LRRK1: variants seen among roughly 807,000 people sequenced by gnomAD.
LRRK1 encodes the protein leucine rich repeat kinase 1.
In LRRK1, 113 loss-of-function variants were observed where a neutral mutation model predicts 209.1. That is an observed-to-expected ratio of 0.54 (90% CI 0.46 to 0.63). LRRK1 has a LOEUF of 0.63. Ranked by LOEUF, LRRK1 falls within the 30% of genes least tolerant of loss-of-function variation. The pLI is 0.00. For missense variants in LRRK1, 2,284 were observed against 2,632.2 expected (o/e 0.87, Z 2.89); for synonymous variants, 1,144 against 1,099.7 (o/e 1.04, Z -0.80).
chr15:100,942,199 C>T (rs889984642), intron 2 of LRRK1, among the ~76,000 whole-genome samples: 4 of 152,172 alleles, frequency 2.6e-5, no homozygotes, highest in East Asian at 1.9e-4. Flanking sequence ...TGTCAAGAAC[C>T]GGCTCTACAG....
chr15:101,056,996 G>C lies in LRRK1; in HGVS notation c.4473G>C (p.Gln1491His). The C allele has an allele frequency of 1.2e-6, 2 of 1,613,966 alleles. No individual in the cohort carries two copies. Among genetic ancestry groups the C allele is most frequent in the Non-Finnish European group, 1.7e-6 (2 of 1,179,928 alleles). ...RPVLGQPEEV[Q>H]FRRLQALMME... Reference sequence around the variant, plus strand: ...TTCTGGGGCAGCCGGAGGAAGTGCAGTTCCGGCGACTGCAGGCGCTCATGA... The same window carrying C: ...TTCTGGGGCAGCCGGAGGAAGTGCACTTCCGGCGACTGCAGGCGCTCATGA... The change falls in exon 28 of 34, where the codon CAG (glutamine) becomes CAC (histidine). Residue 1491 changes from glutamine to histidine, a missense_variant. Gln to His is a conservative substitution (Grantham distance 24, BLOSUM62 0). Transcript: ENST00000388948.
At chr15:101,056,274 A>G (rs558613743) in intron 27 of LRRK1, among the ~76,000 whole-genome samples, 27 of 152,340 alleles carry the variant, frequency 1.8e-4, no homozygotes, top group Admixed American at 6.5e-4. Flanking sequence ...GTTGCAATAC[A>G]TAACACTTTT....
Position 101,071,206 on chromosome 15 carries a change from T to TG in LRRK1, c.*2364dup, listed in dbSNP as rs1241670957. 2 of 151,848 alleles carry TG rather than the reference T, an allele frequency of 1.3e-5. No individual in the cohort carries two copies. The highest frequency in any genetic ancestry group is 2.4e-5 in the African/African-American group (1 of 41,222). The allele number at this position is 151,848 out of a possible 1,614,324, so 9.4% of individuals were successfully genotyped here. On this transcript the variant is annotated 3_prime_UTR_variant, in exon 34 of 34. Coordinates refer to ENST00000388948, the MANE Select transcript of LRRK1 (RefSeq NM_024652.6). ...AAGAGCTCATGCTTCAGTGAGGGGG[T>TG]GGGGGGCACCCTGAGGACCCTGTCA... is the stretch of plus-strand genomic sequence containing the variant.
At chr15:101,019,885 C>G (rs2033698436) in intron 12 of LRRK1, among the ~76,000 whole-genome samples, 1 of 152,160 alleles carries the variant, frequency 6.6e-6, no homozygotes, top group Non-Finnish European at 1.5e-5. Flanking sequence ...CGTTTCCAAG[C>G]TCTTTCTCAA....
Position 101,068,882 on chromosome 15 carries a change from G to C in LRRK1, c.*34G>C. Reference sequence around the variant, plus strand: ...GAATGACTGTCACACATCAGAGCTGGCTGGCCCGGGGCTGCAGCCTGACCC... The same window carrying C: ...GAATGACTGTCACACATCAGAGCTGCCTGGCCCGGGGCTGCAGCCTGACCC... On this transcript the variant is annotated 3_prime_UTR_variant, in exon 34 of 34. Coordinates refer to ENST00000388948, the MANE Select transcript of LRRK1 (RefSeq NM_024652.6). 1 of 1,549,950 alleles carries C rather than the reference G, an allele frequency of 6.5e-7. No homozygotes were observed. The highest frequency in any genetic ancestry group is 8.7e-7 in the Non-Finnish European group (1 of 1,144,806).
intron 29 of LRRK1, among the ~76,000 whole-genome samples, chr15:101,059,356 C>T (rs748346087): frequency 6.6e-6 from 1 of 152,176 alleles, no homozygotes; most frequent in Non-Finnish European, 1.5e-5. Flanking sequence ...GGTGATTGTG[C>T]CACTGCACTC....
intron 4 of LRRK1, among the ~76,000 whole-genome samples, chr15:100,984,851 A>T (rs1040150263): frequency 2.6e-5 from 4 of 151,944 alleles, no homozygotes; most frequent in Non-Finnish European, 5.9e-5. Flanking sequence ...GGTGAGGCAC[A>T]CCCTAGCCAT....
At chr15:101,023,029 A>T (rs1391828347) in intron 15 of LRRK1, among the ~76,000 whole-genome samples, 2 of 151,888 alleles carry the variant, frequency 1.3e-5, no homozygotes, top group African/African-American at 4.8e-5. Flanking sequence ...CTGCTCTCTG[A>T]CCCCAAGGAT....
rs188270894 is a variant in LRRK1, at chr15:100,958,259, A to G, written c.98-15545A>G. On this transcript the variant is annotated intron_variant, in intron 2 of 33. Coordinates refer to ENST00000388948, the MANE Select transcript of LRRK1 (RefSeq NM_024652.6). Reference sequence around the variant, plus strand: ...AGCAGCATTTTTAAATAAGGGAACTATCAGAGTAAACAATTGGGGCCCTTC... The same window carrying G: ...AGCAGCATTTTTAAATAAGGGAACTGTCAGAGTAAACAATTGGGGCCCTTC... 2.1e-3 allele frequency among the ~76,000 whole-genome samples: 326 copies of G among 152,340 alleles called. 4 individuals carry two copies. Among genetic ancestry groups the G allele is most frequent in the African/African-American group, 7.4e-3 (309 of 41,588 alleles).
rs1351947491 is a variant in LRRK1, at chr15:101,065,663, C to G, written c.5226C>G (p.Ser1742Arg). 6.2e-7 allele frequency: 1 copy of G among 1,614,148 alleles called. No individual in the cohort carries two copies. The highest frequency in any genetic ancestry group is 1.1e-5 in the South Asian group (1 of 91,086). The change falls in exon 32 of 34, where the codon AGC (serine) becomes AGG (arginine). Residue 1742 changes from serine (S) to arginine (R), a missense_variant. Ser to Arg is a moderately radical substitution (Grantham distance 110). Around this residue, in one of 6 missense-constraint regions of LRRK1, gnomAD observed 643 missense variants for 695.9 expected, o/e 0.92. Transcript: ENST00000388948. ...CCATGGTTACGTCAGTCGTGTGCAGCTCTGAGGGCAGAGGGGAGGAGGTCG... is the reference window on the plus strand; with the variant it reads ...CCATGGTTACGTCAGTCGTGTGCAGGTCTGAGGGCAGAGGGGAGGAGGTCG... ...APSMVTSVVC[S>R]SEGRGEEVVW...
rs557685328 is a variant in LRRK1, at chr15:101,063,478, G to T, written c.4914+788G>T. Among the ~76,000 whole-genome samples the T allele has an allele frequency of 3.3e-3, 498 of 152,328 alleles. 3 individuals carry two copies. The highest frequency in any genetic ancestry group is 0.012 in the African/African-American group (480 of 41,590). On this transcript the variant is annotated intron_variant, in intron 31 of 33. Transcript: ENST00000388948. ...CTCCTTTGAGAAGCTGCCCCTCAGT[G>T]GGGGGCAGCTCCCTGGCTTTTCCGG...
intron 2 of LRRK1, among the ~76,000 whole-genome samples, chr15:100,960,522 A>G (rs1353323289): frequency 6.6e-6 from 1 of 152,046 alleles, no homozygotes; most frequent in Non-Finnish European, 1.5e-5. Context: ...GTGATTTTTA[A>G]TTTTCCAAAA....
intron 29 of LRRK1, among the ~76,000 whole-genome samples, chr15:101,058,807 TATGGTTTCAG>T (rs2035979866): frequency 6.6e-6 from 1 of 151,054 alleles, no homozygotes; most frequent in Non-Finnish European, 1.5e-5. Flanking sequence ...ACTCAAGAGT[TATGGTTTCAG>T]GTGGGATGAG....
intron 6 of LRRK1, among the ~76,000 whole-genome samples, chr15:101,006,025 A>G (rs532062194): frequency 1.3e-5 from 2 of 152,362 alleles, no homozygotes; most frequent in South Asian, 4.1e-4. Context: ...GAATTGTCAC[A>G]TAGTCTCAGA....
chr15:100,924,727 A>G lies in LRRK1; in HGVS notation c.95A>G (p.Asn32Ser), dbSNP rs1596149347. ...VCPERAMETL[N>S]GAGDTGGKPS... The stretch of plus-strand genomic sequence containing the variant: ...CCAGAACGTGCCATGGAGACGCTTA[A>G]CGGTAAGGACAGGGCTGTGCTTATG... Residue 32 changes from asparagine (N) to serine (S), a missense_variant and splice_region_variant, in exon 2 of 34, where the codon AAC becomes AGC. This residue lies in a region of LRRK1 where 174 missense variants were observed against 133.5 expected (regional missense o/e 1.30). Coordinates refer to ENST00000388948, the MANE Select transcript of LRRK1 (RefSeq NM_024652.6). 2 of 1,613,476 alleles carry G rather than the reference A, an allele frequency of 1.2e-6. No individual in the cohort carries two copies. Among genetic ancestry groups the G allele is most frequent in the Non-Finnish European group, 1.7e-6 (2 of 1,179,378 alleles).
At chr15:100,961,429 C>T (rs901149772) in intron 2 of LRRK1, among the ~76,000 whole-genome samples, 9 of 151,910 alleles carry the variant, frequency 5.9e-5, no homozygotes, top group Non-Finnish European at 1.0e-4. Flanking sequence ...CCAAGGCGGG[C>T]AGATCACGAG....
At chr15:100,994,921 C>T (rs961441916) in intron 6 of LRRK1, among the ~76,000 whole-genome samples, 6 of 152,238 alleles carry the variant, frequency 3.9e-5, no homozygotes, top group African/African-American at 1.4e-4. Flanking sequence ...TCCTACCTTC[C>T]CAGGTATCCA....
At chr15:100,989,606 G>A in intron 6 of LRRK1, 1 of 597,936 alleles carries the variant, frequency 1.7e-6, no homozygotes, top group Non-Finnish European at 2.9e-6. Context: ...CAGACTGAGA[G>A]AGGGAAGAAC....
chr15:100,968,699 C>T (rs201810910), intron 2 of LRRK1, among the ~76,000 whole-genome samples: 14 of 95,172 alleles, frequency 1.5e-4, no homozygotes, highest in East Asian at 7.5e-4. Flanking sequence ...TCTTTCCTTC[C>T]TTCCTTCCTT....
Sources: allele counts gnomAD v4.1 joint callset (sites outside exome capture counted in the v4.1 genomes callset), GRCh38; gene constraint gnomAD v4.1.1; regional missense constraint gnomAD v4.1.1; transcripts MANE v1.5; gene names NCBI Gene and HGNC (gene_info 2026-07-23, HGNC 2026-07-21).